KREMEN1: variants seen among roughly 807,000 people sequenced by gnomAD.
The protein encoded by KREMEN1 is kremen protein 1.
A neutral mutation model predicts 46.5 loss-of-function variants in KREMEN1; 30 were observed. That is an observed-to-expected ratio of 0.65 (90% CI 0.48 to 0.88). KREMEN1 has a LOEUF of 0.88. Ranked by LOEUF, KREMEN1 falls within the 40% of genes least tolerant of loss-of-function variation. The pLI, the probability that KREMEN1 is intolerant of heterozygous loss-of-function variation, is 0.00. For missense variants in KREMEN1, 533 were observed against 596.9 expected, an observed-to-expected ratio of 0.89 and a Z score of 1.11; for synonymous variants, 214 against 230.6, an observed-to-expected ratio of 0.93 and a Z score of 0.65.
chr22:29,159,568 G>A (rs1455845434), intron 9 of KREMEN1, among the ~76,000 whole-genome samples: 1 of 152,092 alleles, frequency 6.6e-6, no homozygotes, highest in Non-Finnish European at 1.5e-5. Flanking sequence ...GCAGTGAGCC[G>A]AGATCACGTC....
At chr22:29,101,252 CAAAAAAAA>C (rs368843166) in intron 3 of KREMEN1, among the ~76,000 whole-genome samples, 7 of 74,784 alleles carry the variant, frequency 9.4e-5, no homozygotes, top group Non-Finnish European at 1.7e-4. Context: ...AGTCTGTCTC[CAAAAAAAA>C]AAAAAAAAAA....
At chr22:29,084,221 G>A (rs1360198668) in intron 1 of KREMEN1, among the ~76,000 whole-genome samples, 2 of 151,998 alleles carry the variant, frequency 1.3e-5, no homozygotes, top group African/African-American at 4.8e-5. Context: ...TTGGTTTTGG[G>A]GGGTTTTGGC....
chr22:29,161,327 G>GCA (rs1411857478), intron 9 of KREMEN1, among the ~76,000 whole-genome samples: 1 of 151,650 alleles, frequency 6.6e-6, no homozygotes, highest in Admixed American at 6.6e-5. Context: ...CTAACATGAT[G>GCA]AAACCCCGTC....
In KREMEN1 at chr22:29,137,530, G is replaced by T; in HGVS notation, c.820G>T (p.Asp274Tyr). 2 of 1,612,674 alleles carry T rather than the reference G, an allele frequency of 1.2e-6. No individual in the cohort carries two copies. Among genetic ancestry groups the T allele is most frequent in the Non-Finnish European group, 1.7e-6 (2 of 1,178,794 alleles). The change falls in exon 6 of 9, where the codon GAT (aspartate) becomes TAT (tyrosine). Residue 274 changes from aspartate (D) to tyrosine (Y), a missense_variant. By Grantham distance (160) the Asp-to-Tyr change is radical. Transcript: ENST00000400335. ...RDSADMVELL[D>Y]GYTHRVLARF... ...CTCGGCGGACATGGTGGAGCTTCTG[G>T]ATGGCTACACCCACCGTGTCCTAGC...
chr22:29,165,373 G>C (rs1239466012), intron 9 of KREMEN1, among the ~76,000 whole-genome samples: 2 of 151,694 alleles, frequency 1.3e-5, no homozygotes, highest in Non-Finnish European at 2.9e-5. Context: ...CTGCACTCCA[G>C]CCTGGGTGAC....
rs1259803871 is a variant in KREMEN1 at position 29,145,561 on chromosome 22, C to G, written c.*3449C>G. 1.0e-6 allele frequency: 1 copy of G among 985,554 alleles called. No homozygotes were observed. Among genetic ancestry groups the G allele is most frequent in the East Asian group, 1.1e-4 (1 of 8,816 alleles). The allele number at this position is 985,554 out of a possible 1,614,324, so 61.1% of individuals were successfully genotyped here. On this transcript the variant is annotated 3_prime_UTR_variant, in exon 9 of 9. Transcript: ENST00000400335. ...GTGACAGTGTCTTGGCCAGCTGTGGCCCCTAGTTTCTAGCAGCGTTTCTCA... is the reference window on the plus strand; with the variant it reads ...GTGACAGTGTCTTGGCCAGCTGTGGGCCCTAGTTTCTAGCAGCGTTTCTCA...
intron 1 of KREMEN1, among the ~76,000 whole-genome samples, chr22:29,077,680 G>A (rs1433501059): frequency 1.3e-5 from 2 of 152,174 alleles, no homozygotes; most frequent in African/African-American, 4.8e-5. Flanking sequence ...ACAGAAACAG[G>A]CAGTGAGCCA....
At chr22:29,112,481 A>G (rs1347033739) in intron 3 of KREMEN1, among the ~76,000 whole-genome samples, 1 of 152,198 alleles carries the variant, frequency 6.6e-6, no homozygotes, top group Non-Finnish European at 1.5e-5. Context: ...AACAATGTTT[A>G]GTGGGCCTGC....
rs1223554978 is a variant in KREMEN1 at position 29,131,556 on chromosome 22, ATATATGTGTG to A, written c.632-5784_632-5775del. ...TATATATATATATATATATATATAT[ATATATGTGTG>A]TGTGTGTGTGTGTGTGTGTGTGTGT... On this transcript the variant is annotated intron_variant, in intron 5 of 8. Transcript: ENST00000400335. 5.7e-3 allele frequency among the ~76,000 whole-genome samples: 410 copies of A among 72,026 alleles called. 1 individual carries two copies. The highest frequency in any genetic ancestry group is 0.014 in the African/African-American group (205 of 14,982). The allele number at this position is 72,026 out of a possible 152,430, so 47.3% of individuals were successfully genotyped here.
Position 29,142,702 on chromosome 22 carries a change from G to A in KREMEN1, c.*590G>A. The A allele has an allele frequency of 3.0e-6, 3 of 985,266 alleles. No individual in the cohort carries two copies. The highest frequency in any genetic ancestry group is 3.6e-6 in the Non-Finnish European group (3 of 829,744). The allele number at this position is 985,266 out of a possible 1,614,324, so 61.0% of individuals were successfully genotyped here. ...CTTTGCTCTCCAGATGCTGGACTAG[G>A]GTGGGCCTCCTTCAGCCTGGGAGGG... On this transcript the variant is annotated 3_prime_UTR_variant, in exon 9 of 9. Coordinates refer to ENST00000400335, the MANE Select transcript of KREMEN1 (RefSeq NM_001039570.3).
intron 1 of KREMEN1, among the ~76,000 whole-genome samples, chr22:29,075,963 A>G (rs994836510): frequency 4.6e-5 from 7 of 152,106 alleles, no homozygotes; most frequent in African/African-American, 1.7e-4. Flanking sequence ...ACCCCAAATG[A>G]TCTCCCTTCT....
At position 29,145,264 on chromosome 22, in the gene KREMEN1, G is replaced by A; in HGVS notation, c.*3152G>A. ...TAGATGAGATAAAGTGGGGGTTGGA[G>A]GTGGCGAAAAGAGGGTAACCCTGGG... On this transcript the variant is annotated 3_prime_UTR_variant, in exon 9 of 9. Coordinates refer to ENST00000400335, the MANE Select transcript of KREMEN1 (RefSeq NM_001039570.3). The A allele has an allele frequency of 1.0e-6, 1 of 985,632 alleles. No homozygotes were observed. Among genetic ancestry groups the A allele is most frequent in the Non-Finnish European group, 1.2e-6 (1 of 830,044 alleles). 61.1% of individuals were successfully genotyped at this position (985,632 alleles called of 1,614,324 possible). A position where few individuals can be genotyped will look rare whatever the true frequency, so the allele number is the denominator to read the frequency against.
chr22:29,136,619 G>A (rs2038662125), intron 5 of KREMEN1, among the ~76,000 whole-genome samples: 2 of 151,482 alleles, frequency 1.3e-5, no homozygotes, highest in South Asian at 4.2e-4. Context: ...TCCCTCCCAA[G>A]GAGTTTCAGT....
chr22:29,155,334 AGAC>A (rs1402958851), intron 9 of KREMEN1, among the ~76,000 whole-genome samples: 1 of 152,182 alleles, frequency 6.6e-6, no homozygotes, highest in East Asian at 1.9e-4. Context: ...CAGGAGTTCG[AGAC>A]CAGCCTGGGC....
chr22:29,097,561 G>A (rs1345736134), intron 2 of KREMEN1, among the ~76,000 whole-genome samples: 2 of 152,154 alleles, frequency 1.3e-5, no homozygotes, highest in African/African-American at 4.8e-5. Flanking sequence ...TGTGAGCCTC[G>A]TCCTGGTGAA....
chr22:29,097,591 T>C (rs979143660), intron 2 of KREMEN1, among the ~76,000 whole-genome samples: 1 of 152,204 alleles, frequency 6.6e-6, no homozygotes, highest in African/African-American at 2.4e-5. Flanking sequence ...GTGGAGTCTG[T>C]ATTTTATTTT....
chr22:29,117,126 A>G (rs1169259660), intron 3 of KREMEN1, among the ~76,000 whole-genome samples: 1 of 152,172 alleles, frequency 6.6e-6, no homozygotes, highest in Non-Finnish European at 1.5e-5. Flanking sequence ...TAGATGGTGG[A>G]ATACATTAAA....
intron 3 of KREMEN1, among the ~76,000 whole-genome samples, chr22:29,116,361 C>CA (rs2038239584): frequency 1.3e-5 from 2 of 152,290 alleles, no homozygotes; most frequent in South Asian, 4.1e-4. Flanking sequence ...GTAGAATTGA[C>CA]AGTGTCACAA....
At chr22:29,155,307 A>G (rs1456024024) in intron 9 of KREMEN1, among the ~76,000 whole-genome samples, 3 of 151,744 alleles carry the variant, frequency 2.0e-5, no homozygotes, top group African/African-American at 4.8e-5. Context: ...GGCCAAGGTA[A>G]GTGGATCTCT....
Sources: gnomAD v4.1 joint callset for allele counts (sites outside exome capture counted in the v4.1 genomes callset) on GRCh38, gnomAD v4.1.1 for gene constraint, MANE v1.5 for transcripts, NCBI Gene and HGNC (gene_info 2026-07-23, HGNC 2026-07-21) for gene names.